Variants in TJP1 observed in about 807,000 individuals in gnomAD.
The protein encoded by TJP1 is tight junction protein 1.
A neutral mutation model predicts 194.2 loss-of-function variants in TJP1; 43 were observed. The ratio of observed to expected loss-of-function variants is 0.22; its 90% confidence interval spans 0.17 to 0.29. The LOEUF is 0.29. Among genes scored for constraint, TJP1 ranks in the 10% least tolerant of loss-of-function variants. The pLI is 1.00. For missense variants in TJP1, 1,971 were observed against 2,185.7 expected (o/e 0.90, Z 1.96); for synonymous variants, 801 against 779.0 (o/e 1.03, Z -0.47).
chr15:29,930,797 G>C (rs1364120648), intron 2 of TJP1, among the ~76,000 whole-genome samples: 1 of 152,204 alleles, frequency 6.6e-6, no homozygotes, highest in East Asian at 1.9e-4. Context: ...ATAATGTGCA[G>C]AGAATAGGAA....
At chr15:29,811,424 T>TG (rs1449849733) in intron 1 of TJP1, among the ~76,000 whole-genome samples, 1 of 5,250 alleles carries the variant, frequency 1.9e-4, no homozygotes, top group African/African-American at 7.8e-4. Context: ...GAGGATTACT[T>TG]GGGTGGGGGT....
chr15:29,956,267 T>C (rs994227730), exon 2 of TJP1: 75 of 1,288,716 alleles, frequency 5.8e-5, no homozygotes, highest in Non-Finnish European at 7.2e-5. Flanking sequence ...TCAAGGCTTT[T>C]GCTTCTGTGT....
chr15:29,770,495 G>C (rs966901185), intron 4 of TJP1, among the ~76,000 whole-genome samples: 12 of 151,134 alleles, frequency 7.9e-5, no homozygotes, highest in Admixed American at 5.9e-4. Flanking sequence ...TCACGAGACA[G>C]CCTCCATCAG....
chr15:29,957,069 C>T (rs1180712150), intron 1 of TJP1, among the ~76,000 whole-genome samples: 1 of 152,076 alleles, frequency 6.6e-6, no homozygotes, highest in Non-Finnish European at 1.5e-5. Context: ...TCATTGTGTC[C>T]ATCACAGATA....
chr15:29,859,735 T>C (rs1179515590), intron 2 of TJP1, among the ~76,000 whole-genome samples: 1 of 152,212 alleles, frequency 6.6e-6, no homozygotes, highest in Admixed American at 6.5e-5. Flanking sequence ...AAACTCTAAG[T>C]TGAAAATACA....
chr15:29,771,046 A>C (rs969803285), intron 4 of TJP1, among the ~76,000 whole-genome samples: 3 of 152,188 alleles, frequency 2.0e-5, no homozygotes, highest in African/African-American at 4.8e-5. Context: ...TAAGTGCACT[A>C]AACAGGCATA....
At chr15:29,870,026 C>G (rs560062995) in intron 2 of TJP1, among the ~76,000 whole-genome samples, 1 of 151,836 alleles carries the variant, frequency 6.6e-6, no homozygotes, top group East Asian at 1.9e-4. Context: ...CCAGACTCAC[C>G]ATGTTGGCCA....
At chr15:29,887,502 C>T (rs539305058) in intron 2 of TJP1, among the ~76,000 whole-genome samples, 5 of 151,744 alleles carry the variant, frequency 3.3e-5, no homozygotes, top group African/African-American at 1.2e-4. Flanking sequence ...GGTTTCACCA[C>T]GTTAGCCAGG....
chr15:29,821,862 C>T (rs887573594), intron 1 of TJP1, 140 bp downstream of exon 1: 448 of 841,756 alleles, frequency 5.3e-4, no homozygotes, highest in Non-Finnish European at 5.8e-4. Flanking sequence ...CGGCCCGCGG[C>T]CCCGCGCCAG....
In TJP1 at chr15:29,904,907, G is replaced by A. The variant is rs76147724; in HGVS notation, c.306+51325C>T. 1.1e-3 allele frequency among the ~76,000 whole-genome samples: 167 copies of A among 152,266 alleles called. 4 individuals are homozygous for A. Among genetic ancestry groups the A allele is most frequent in the African/African-American group, 3.9e-3 (160 of 41,538 alleles). On this transcript the variant is annotated intron_variant, in intron 2 of 28. Transcript: ENST00000356107. ...TGAAGATGGAGGTAGAGACTGCAGC[G>A]ATGCAGCTACAAGCCAAGAAACACC...
chr15:29,835,003 C>A (rs990796102), intron 2 of TJP1, among the ~76,000 whole-genome samples: 4 of 152,114 alleles, frequency 2.6e-5, no homozygotes, highest in African/African-American at 9.7e-5. Context: ...TGGAAAAGGT[C>A]TTTTGGGAAT....
chr15:29,809,530 T>C (rs556406653), intron 1 of TJP1, among the ~76,000 whole-genome samples: 48 of 152,184 alleles, frequency 3.2e-4, no homozygotes, highest in African/African-American at 1.1e-3. Context: ...TCAAGGAAAG[T>C]TGACATTTAA....
chr15:29,781,177 A>G (rs1042204594), intron 2 of TJP1, among the ~76,000 whole-genome samples: 3 of 152,210 alleles, frequency 2.0e-5, no homozygotes, highest in African/African-American at 7.2e-5. Flanking sequence ...AGTAACCATC[A>G]GAGAATACTA....
intron 8 of TJP1, among the ~76,000 whole-genome samples, chr15:29,746,189 T>TAAC (rs1414856522): frequency 6.6e-6 from 1 of 152,060 alleles, no homozygotes. Flanking sequence ...CCATCCTGGC[T>TAAC]ACGGGTGAAA....
intron 2 of TJP1, among the ~76,000 whole-genome samples, chr15:29,907,854 C>T (rs995702939): frequency 6.6e-5 from 10 of 151,732 alleles, no homozygotes; most frequent in African/African-American, 2.4e-4. Context: ...TGAACACCGC[C>T]TAATTCCTTT....
At chr15:29,822,494 A>G (rs1596041886), upstream of TJP1, 2 of 982,984 alleles carry the variant, frequency 2.0e-6, no homozygotes, top group Non-Finnish European at 2.4e-6. Context: ...CGGCCCACTG[A>G]GCATGCCCGG....
At chr15:29,834,241 G>A (rs576741306) in intron 2 of TJP1, among the ~76,000 whole-genome samples, 1 of 124,730 alleles carries the variant, frequency 8.0e-6, no homozygotes, top group Non-Finnish European at 1.7e-5. Context: ...TTTTTTTTTT[G>A]AGACAAAGTC....
At chr15:29,722,620 C>A (rs1352782244) in intron 18 of TJP1, among the ~76,000 whole-genome samples, 1 of 152,202 alleles carries the variant, frequency 6.6e-6, no homozygotes, top group South Asian at 2.1e-4. Context: ...TGGAGCCCCC[C>A]ACCAGACAGT....
chr15:29,871,542 C>T (rs1345995886), intron 2 of TJP1, among the ~76,000 whole-genome samples: 1 of 152,226 alleles, frequency 6.6e-6, no homozygotes, highest in Non-Finnish European at 1.5e-5. Context: ...GAAAGCTTGC[C>T]GTGGGAGAGG....
Sources: allele counts gnomAD v4.1 joint callset (sites outside exome capture counted in the v4.1 genomes callset), GRCh38; gene constraint gnomAD v4.1.1; transcripts MANE v1.5; gene names NCBI Gene and HGNC (gene_info 2026-07-23, HGNC 2026-07-21).